The following DSC3 variants were observed in gnomAD, a reference collection of about 807,000 sequenced individuals.
DSC3 encodes the protein desmocollin-3.
DSC3 carries 97 observed loss-of-function variants against 89.5 expected under a neutral mutation model. That is an observed-to-expected ratio of 1.08 (90% confidence interval 0.92 to 1.28). The LOEUF (loss-of-function observed/expected upper bound fraction) is 1.28. DSC3 is among the 50% of genes most tolerant of loss of function. The pLI, the probability that DSC3 is intolerant of heterozygous loss-of-function variation, is 0.00. For missense variants in DSC3, 1,199 were observed against 1,085.3 expected, an observed-to-expected ratio of 1.10 and a Z score of -1.47; for synonymous variants, 436 against 384.1, an observed-to-expected ratio of 1.14 and a Z score of -1.58.
chr18:31,024,428 C>G lies in DSC3; in HGVS notation c.696G>C (p.Arg232Ser). The change falls in exon 6 of 16, where the codon AGG (arginine) becomes AGC (serine). Residue 232 changes from arginine to serine, a missense_variant. Physicochemically the swap from Arg to Ser is moderately radical, Grantham distance 110 (BLOSUM62 -1). Coordinates refer to ENST00000360428, the MANE Select transcript of DSC3 (RefSeq NM_001941.5). ...SADLPLPLPIRVEDENDNHPV... is the reference protein window; with the variant it reads ...SADLPLPLPISVEDENDNHPV... ...GGTGGTTGTCATTTTCATCCTCTAC[C>G]CTGATGGGTAGTGGGAGGGGCAGAT... 1 of 1,611,928 alleles carries G rather than the reference C, an allele frequency of 6.2e-7. No homozygotes were observed. The highest frequency in any genetic ancestry group is 1.1e-5 in the South Asian group (1 of 90,726).
Position 30,991,616 on chromosome 18 carries a change from G to A in DSC3, c.*2559C>T, listed in dbSNP as rs1180212742. ...CTTGGGGAGGTAGCAGGTTTTGATC[G>A]GTGAGTGAGGGAGTGAGCAAAACAC... On this transcript the variant is annotated 3_prime_UTR_variant, in exon 16 of 16. Coordinates refer to ENST00000360428, the MANE Select transcript of DSC3 (RefSeq NM_001941.5). 1.3e-5 allele frequency: 2 copies of A among 152,114 alleles called. No homozygotes were observed. Among genetic ancestry groups the A allele is most frequent in the Non-Finnish European group, 2.9e-5 (2 of 68,022 alleles). 9.4% of individuals were successfully genotyped at this position (152,114 alleles called of 1,614,324 possible).
At chr18:31,021,276 A>C (rs991987745) in intron 7 of DSC3, among the ~76,000 whole-genome samples, 2 of 152,124 alleles carry the variant, frequency 1.3e-5, no homozygotes, top group Admixed American at 6.5e-5. Flanking sequence ...TTAACTTGCA[A>C]AGTTTCAATT....
At chr18:31,024,537 G>T (rs1342444090) in intron 5 of DSC3, 44 bp from the exon 6 acceptor site, 1 of 1,596,614 alleles carries the variant, frequency 6.3e-7, no homozygotes, top group Non-Finnish European at 8.5e-7. Context: ...TCAGATCCCG[G>T]CAAGACAGAA....
At chr18:31,031,202 TA>T in intron 2 of DSC3, 30 bp from the exon 3 acceptor site, 1 of 1,488,520 alleles carries the variant, frequency 6.7e-7, no homozygotes, top group East Asian at 2.3e-5. Context: ...AGTTGTAAGG[TA>T]AAAACACATG....
At chr18:31,013,750 A>G (rs1985145510) in intron 9 of DSC3, among the ~76,000 whole-genome samples, 2 of 152,136 alleles carry the variant, frequency 1.3e-5, no homozygotes, top group Non-Finnish European at 2.9e-5. Context: ...TTGATAATAT[A>G]GTTGGCAATT....
At chr18:31,008,207 T>A in intron 10 of DSC3, 49 bp from the exon 11 acceptor site, 3 of 1,609,164 alleles carry the variant, frequency 1.9e-6, no homozygotes, top group Non-Finnish European at 2.5e-6. Context: ...TGTTTTCAAA[T>A]AAGTTACTAT....
chr18:30,996,703 A>G, intron 15 of DSC3, 88 bp downstream of exon 15: 2 of 1,544,132 alleles, frequency 1.3e-6, no homozygotes, highest in Non-Finnish European at 1.8e-6. Flanking sequence ...CCACAGAAAA[A>G]TACAGAAAAT....
At chr18:31,015,572 T>C (rs1231976494) in intron 9 of DSC3, among the ~76,000 whole-genome samples, 1 of 152,180 alleles carries the variant, frequency 6.6e-6, no homozygotes, top group African/African-American at 2.4e-5. Flanking sequence ...CTAGTGGTAT[T>C]TAAATTTTAT....
chr18:30,992,840 G>C lies in DSC3; in HGVS notation c.*1335C>G, dbSNP rs1021788663. 1 of 152,222 alleles carries C rather than the reference G, an allele frequency of 6.6e-6. No individual in the cohort carries two copies. Among genetic ancestry groups the C allele is most frequent in the Non-Finnish European group, 1.5e-5 (1 of 68,050 alleles). 9.4% of individuals were successfully genotyped at this position (152,222 alleles called of 1,614,324 possible). On this transcript the variant is annotated 3_prime_UTR_variant, in exon 16 of 16. Coordinates refer to ENST00000360428, the MANE Select transcript of DSC3 (RefSeq NM_001941.5). The stretch of plus-strand genomic sequence containing the variant: ...CCTGGAGTCACTTAAGGGAATCTCT[G>C]CTGGAGGTGTTGCTTTAGCAGAAAG...
In DSC3 at chr18:31,037,908, A is replaced by T. The variant is rs139315975; in HGVS notation, c.69+4684T>A. Among the ~76,000 whole-genome samples, 584 of 152,282 alleles carry T rather than the reference A, an allele frequency of 3.8e-3. 6 individuals are homozygous for T. Among genetic ancestry groups the T allele is most frequent in the African/African-American group, 0.014 (571 of 41,540 alleles). ...GCAAAACTCCATCTCAAAAAAAAAA[A>T]AAGTTCATTCTCTACATTCTTAGTG... On this transcript the variant is annotated intron_variant, in intron 1 of 15. Coordinates refer to ENST00000360428, the MANE Select transcript of DSC3 (RefSeq NM_001941.5).
chr18:31,025,122 T>TCC (rs1274851734), intron 5 of DSC3, among the ~76,000 whole-genome samples: 2 of 152,198 alleles, frequency 1.3e-5, no homozygotes, highest in African/African-American at 2.4e-5. Flanking sequence ...CTTCCTTCTT[T>TCC]TTTGTAGGAA....
In DSC3 at chr18:30,991,130, TG is replaced by T. The variant is rs1453172864; in HGVS notation, c.*3044del. 5 of 152,672 alleles carry T rather than the reference TG, an allele frequency of 3.3e-5. No individual in the cohort carries two copies. Among genetic ancestry groups the T allele is most frequent in the African/African-American group, 1.2e-4 (5 of 41,472 alleles). 9.5% of individuals were successfully genotyped at this position (152,672 alleles called of 1,614,324 possible). A position where few individuals can be genotyped will look rare whatever the true frequency, so the allele number is the denominator to read the frequency against. On this transcript the variant is annotated 3_prime_UTR_variant, in exon 16 of 16. Coordinates refer to ENST00000360428, the MANE Select transcript of DSC3 (RefSeq NM_001941.5). The stretch of plus-strand genomic sequence containing the variant: ...AATATTACTTTACGCATCCAATTTT[TG>T]CTTATTTTAAGCAGCCAAGTTTCTT...
rs56883876 is a variant in DSC3, at chr18:31,008,574, G to T, written c.1264-49C>A. The T allele has an allele frequency of 5.7e-3, 9,121 of 1,603,924 alleles. 473 individuals carry two copies. The African/African-American group carries it at 0.11, about 19-fold the overall frequency. ...TCAGTGTCAGTGTAAAATACATCTG[G>T]CATTTCAAATGGCAAGTGAACATTT... On this transcript the variant is annotated intron_variant, in intron 9 of 15. Coordinates refer to ENST00000360428, the MANE Select transcript of DSC3 (RefSeq NM_001941.5).
rs778319801 is a variant in DSC3 at position 31,025,799 on chromosome 18, G to A, written c.591C>T (p.Cys197=). Residue 197 remains cysteine, a synonymous_variant, in exon 5 of 16, where the codon TGC becomes TGT. Transcript: ENST00000360428. Reference sequence around the variant, plus strand: ...ATTCTTCACGATCCACAGGCCGAGTGCAAAATAGATTTCCAGTGTCTCTTT... The same window carrying A: ...ATTCTTCACGATCCACAGGCCGAGTACAAAATAGATTTCCAGTGTCTCTTT... ...YIERDTGNLF[C]TRPVDREEYD... is the part of the protein sequence containing the mutation. The A allele has an allele frequency of 1.2e-6, 2 of 1,613,156 alleles. No individual in the cohort carries two copies. The highest frequency in any genetic ancestry group is 1.1e-5 in the South Asian group (1 of 91,052).
At position 30,997,508 on chromosome 18, in the gene DSC3, G is replaced by A. The variant is rs117939071; in HGVS notation, c.2236-460C>T. Among the ~76,000 whole-genome samples, 373 of 152,254 alleles carry A rather than the reference G, an allele frequency of 2.4e-3. 1 individual carries two copies. Among genetic ancestry groups the A allele is most frequent in the Admixed American group, 9.0e-3 (137 of 15,294 alleles). On this transcript the variant is annotated intron_variant, in intron 14 of 15. Transcript: ENST00000360428. ...CCATTCATGAGAGCAGAGCCCTCAT[G>A]ACCTAATCACCTACTAAAGGTCTCA...
chr18:30,994,052 G>A lies in DSC3; in HGVS notation c.*123C>T. On this transcript the variant is annotated 3_prime_UTR_variant, in exon 16 of 16. Transcript: ENST00000360428. ...TTGCTTTAAAAATATAAATTGGTGA[G>A]TAGCATAATTCAAAATTGAGAAAAA... 6.3e-6 allele frequency: 6 copies of A among 958,652 alleles called. No individual in the cohort carries two copies. The South Asian group carries it at 8.8e-5, about 14-fold the overall frequency. 59.4% of individuals were successfully genotyped at this position (958,652 alleles called of 1,614,324 possible). A position where few individuals can be genotyped will look rare whatever the true frequency, so the allele number is the denominator to read the frequency against.
Position 31,042,616 on chromosome 18 carries a change from G to A in DSC3, c.45C>T (p.Cys15=), listed in dbSNP as rs1197166533. Residue 15 remains cysteine (C), a synonymous_variant, in exon 1 of 16, where the codon TGC becomes TGT. Transcript: ENST00000360428. ...GPRRSVRGAV[C]LHLLLTLVIF... ...CCACGAGGGTCAGCAGCAGATGCAG[G>A]CAGACGGCTCCGCGCACGGAGCGCC... is the stretch of plus-strand genomic sequence containing the variant. The A allele has an allele frequency of 2.6e-6, 4 of 1,550,382 alleles. No homozygotes were observed. The highest frequency in any genetic ancestry group is 3.5e-6 in the Non-Finnish European group (4 of 1,146,912).
rs1252772106 is a variant in DSC3, at chr18:31,006,944, T to C, written c.1851A>G (p.Pro617=). 1 of 1,613,918 alleles carries C rather than the reference T, an allele frequency of 6.2e-7. No homozygotes were observed. The highest frequency in any genetic ancestry group is 2.2e-5 in the East Asian group (1 of 44,834). The change falls in exon 12 of 16, where the codon CCA becomes CCG. Residue 617 remains proline (P), a synonymous_variant. Coordinates refer to ENST00000360428, the MANE Select transcript of DSC3 (RefSeq NM_001941.5). The part of the protein sequence containing the change: ...PFYFSLPNTS[P]EISRLWSLTK... ...TGAGGCTCCACAGTCTACTGATTTC[T>C]GGAGAAGTATTGGGCAAACTGAAAT...
chr18:30,996,056 C>A (rs1984454860), intron 15 of DSC3, among the ~76,000 whole-genome samples: 1 of 148,598 alleles, frequency 6.7e-6, no homozygotes, highest in Non-Finnish European at 1.5e-5. Flanking sequence ...ACAGAGAATT[C>A]CTTATTTTAA....
Sources: gnomAD v4.1 joint callset for allele counts (sites outside exome capture counted in the v4.1 genomes callset) on GRCh38, gnomAD v4.1.1 for gene constraint, MANE v1.5 for transcripts, NCBI Gene and HGNC (gene_info 2026-07-23, HGNC 2026-07-21) for gene names.